TSPAN18: variants seen among roughly 807,000 people sequenced by gnomAD.
TSPAN18 encodes tetraspanin-18.
TSPAN18 carries 14 observed loss-of-function variants against 27.3 expected under a neutral mutation model. The observed-to-expected ratio is 0.51, with a 90% CI of 0.34 to 0.80. The LOEUF is 0.80. TSPAN18 is among the 30% of genes least tolerant of loss of function. The pLI is 0.01. For missense variants in TSPAN18, 268 were observed against 323.9 expected (o/e 0.83, Z 1.32); for synonymous variants, 143 against 136.5 (o/e 1.05, Z -0.33).
At chr11:44,736,994 T>C (rs1041057791) in intron 1 of TSPAN18, among the ~76,000 whole-genome samples, 3 of 152,218 alleles carry the variant, frequency 2.0e-5, no homozygotes, top group East Asian at 1.9e-4. Context: ...TTCTGTTTGG[T>C]TTTCCATGGA....
intron 2 of TSPAN18, among the ~76,000 whole-genome samples, chr11:44,800,930 G>T (rs1474574699): frequency 6.6e-6 from 1 of 152,140 alleles, no homozygotes; most frequent in Non-Finnish European, 1.5e-5. Flanking sequence ...GGGCTGCGAG[G>T]GGCTGGGGGC....
intron 2 of TSPAN18, among the ~76,000 whole-genome samples, chr11:44,779,996 C>A (rs554343581): frequency 2.8e-4 from 43 of 152,352 alleles, no homozygotes; most frequent in African/African-American, 1.0e-3. Context: ...CCTGCACACA[C>A]CTGCCTCCGC....
At chr11:44,853,591 A>C (rs1857655990) in intron 2 of TSPAN18, among the ~76,000 whole-genome samples, 1 of 152,164 alleles carries the variant, frequency 6.6e-6, no homozygotes, top group African/African-American at 2.4e-5. Context: ...AAACTGAGGC[A>C]CAGTTACCTT....
In TSPAN18 at chr11:44,926,723, C is replaced by G; in HGVS notation, c.665C>G (p.Ala222Gly). The change falls in exon 9 of 10, where the codon GCC becomes GGC. Residue 222 changes from alanine to glycine, a missense_variant. By Grantham distance (60) the Ala-to-Gly change is moderately conservative (BLOSUM62 0). Transcript: ENST00000520358. ...LNTFETYVYL[A>G]GALAIGVLAI... is the part of the protein sequence containing the mutation. ...ACCTTCGAGACCTACGTCTACTTGG[C>G]CGGAGCCCTTGCCATCGGGGTACTG... 1 of 1,614,166 alleles carries G rather than the reference C, an allele frequency of 6.2e-7. No homozygotes were observed. Among genetic ancestry groups the G allele is most frequent in the Non-Finnish European group, 8.5e-7 (1 of 1,180,002 alleles).
At chr11:44,926,027 AAGC>A (rs1167342968) in intron 8 of TSPAN18, among the ~76,000 whole-genome samples, 7 of 152,150 alleles carry the variant, frequency 4.6e-5, no homozygotes, top group Admixed American at 4.6e-4. Flanking sequence ...TTGCTTAAGA[AAGC>A]AGTAAGATCA....
chr11:44,837,482 C>T (rs141171654), intron 2 of TSPAN18, among the ~76,000 whole-genome samples: 1 of 152,194 alleles, frequency 6.6e-6, no homozygotes, highest in African/African-American at 2.4e-5. Context: ...GTTAAAATAA[C>T]AACAGAGGAT....
chr11:44,769,990 C>T (rs899563633), intron 2 of TSPAN18, among the ~76,000 whole-genome samples: 1 of 152,160 alleles, frequency 6.6e-6, no homozygotes, highest in Admixed American at 6.5e-5. Context: ...TTTACATCTG[C>T]GGAATGGGTG....
chr11:44,753,202 C>T (rs1053055031), intron 1 of TSPAN18, among the ~76,000 whole-genome samples: 4 of 152,096 alleles, frequency 2.6e-5, no homozygotes, highest in African/African-American at 9.7e-5. Context: ...CATCTCGGCT[C>T]ACTGCAACCT....
intron 2 of TSPAN18, among the ~76,000 whole-genome samples, chr11:44,811,245 C>T (rs1856709451): frequency 6.6e-6 from 1 of 151,744 alleles, no homozygotes; most frequent in African/African-American, 2.4e-5. Context: ...GGAGATTGCA[C>T]CTCTGTTGAT....
intron 2 of TSPAN18, among the ~76,000 whole-genome samples, chr11:44,772,107 C>T (rs141326679): frequency 6.6e-6 from 1 of 152,256 alleles, no homozygotes; most frequent in East Asian, 1.9e-4. Flanking sequence ...TTTAGGTCTC[C>T]AGTTGATTGG....
chr11:44,773,245 C>G (rs532171347), intron 2 of TSPAN18, among the ~76,000 whole-genome samples: 3 of 151,790 alleles, frequency 2.0e-5, no homozygotes, highest in Non-Finnish European at 2.9e-5. Flanking sequence ...GGAGAAACCC[C>G]GTCTCTACTA....
At chr11:44,760,475 T>C (rs1217014540) in intron 1 of TSPAN18, among the ~76,000 whole-genome samples, 1 of 152,184 alleles carries the variant, frequency 6.6e-6, no homozygotes, top group East Asian at 1.9e-4. Context: ...GGATGCTCTG[T>C]TTGTGAAAAT....
chr11:44,922,112 G>C (rs1860161118), intron 8 of TSPAN18, among the ~76,000 whole-genome samples: 1 of 124,524 alleles, frequency 8.0e-6, no homozygotes, highest in African/African-American at 3.2e-5. Context: ...TAAAGCCCAG[G>C]ATGCATTTTT....
At chr11:44,903,046 G>A (rs1183328540) in intron 3 of TSPAN18, among the ~76,000 whole-genome samples, 3 of 152,116 alleles carry the variant, frequency 2.0e-5, no homozygotes, top group Non-Finnish European at 2.9e-5. Flanking sequence ...GTCCCAGGAG[G>A]GCACAGCCAC....
intron 2 of TSPAN18, among the ~76,000 whole-genome samples, chr11:44,823,774 C>A (rs763975341): frequency 6.6e-6 from 1 of 152,098 alleles, no homozygotes. Flanking sequence ...AGGTTTAAGG[C>A]AAAATGAATA....
intron 3 of TSPAN18, among the ~76,000 whole-genome samples, chr11:44,901,904 T>C (rs186032251): frequency 3.3e-5 from 5 of 152,330 alleles, no homozygotes; most frequent in East Asian, 3.9e-4. Flanking sequence ...TTTAGGGGCT[T>C]GTTGAGAGAT....
intron 1 of TSPAN18, among the ~76,000 whole-genome samples, chr11:44,734,323 T>C (rs1430849621): frequency 2.6e-5 from 4 of 152,234 alleles, no homozygotes; most frequent in Non-Finnish European, 5.9e-5. Context: ...AGGTCTGCTT[T>C]TCTGTGGATA....
At chr11:44,756,917 A>G (rs1441015957) in intron 1 of TSPAN18, among the ~76,000 whole-genome samples, 1 of 152,018 alleles carries the variant, frequency 6.6e-6, no homozygotes, top group Non-Finnish European at 1.5e-5. Flanking sequence ...TTCTTTTCCT[A>G]CTGTCTTGTT....
intron 3 of TSPAN18, among the ~76,000 whole-genome samples, chr11:44,878,574 C>T (rs1397595783): frequency 6.6e-6 from 1 of 152,088 alleles, no homozygotes; most frequent in East Asian, 1.9e-4. Flanking sequence ...CCCACGGGGC[C>T]CTGGGGTACT....
Sources: gnomAD v4.1 joint callset for allele counts (sites outside exome capture counted in the v4.1 genomes callset) on GRCh38, gnomAD v4.1.1 for gene constraint, MANE v1.5 for transcripts, NCBI Gene and HGNC (gene_info 2026-07-23, HGNC 2026-07-21) for gene names.